Variants in PLXNC1 observed in about 807,000 individuals in gnomAD.
PLXNC1 encodes plexin-C1.
In PLXNC1, 75 loss-of-function variants were observed where a neutral mutation model predicts 178.2. That is an observed-to-expected ratio of 0.42 (90% CI 0.35 to 0.51). PLXNC1 has a LOEUF of 0.51. PLXNC1 is among the 20% of genes least tolerant of loss of function. The probability of loss-of-function intolerance (pLI) is 0.02; values close to 1 mark genes in which losing one functional copy is unlikely to be tolerated. For synonymous variants in PLXNC1, 790 were observed against 779.9 expected (o/e 1.01, Z -0.22); for missense variants, 1,503 against 1,984.4 (o/e 0.76, Z 4.61).
At chr12:94,245,627 T>C (rs1166382905) in intron 12 of PLXNC1, among the ~76,000 whole-genome samples, 1 of 152,204 alleles carries the variant, frequency 6.6e-6, no homozygotes, top group East Asian at 1.9e-4. Context: ...CCATTTCTTT[T>C]CACATTAAAG....
chr12:94,202,782 T>C (rs7296806), intron 4 of PLXNC1, among the ~76,000 whole-genome samples: 111,340 of 152,084 alleles, frequency 0.73, 40,922 homozygotes, highest in East Asian at 0.91. Context: ...TCTAGAGAGA[T>C]AGACTCATCA....
chr12:94,276,160 G>A (rs2136121619), intron 21 of PLXNC1, among the ~76,000 whole-genome samples: 1 of 152,278 alleles, frequency 6.6e-6, no homozygotes, highest in East Asian at 1.9e-4. Context: ...ATAGAATGCT[G>A]TTTCACAAAT....
chr12:94,277,779 C>T (rs1966087964), intron 21 of PLXNC1: 3 of 362,970 alleles, frequency 8.3e-6, no homozygotes, highest in African/African-American at 2.1e-5. Context: ...GTTTTATTGC[C>T]GATACTATCA....
At position 94,260,840 on chromosome 12, in the gene PLXNC1, G is replaced by A. The variant is rs1317108381; in HGVS notation, c.3450G>A (p.Arg1150=). 1.2e-6 allele frequency: 2 copies of A among 1,613,858 alleles called. No homozygotes were observed. Among genetic ancestry groups the A allele is most frequent in the Non-Finnish European group, 1.7e-6 (2 of 1,179,808 alleles). The change falls in exon 20 of 31, where the codon CGG becomes CGA. Residue 1150 remains arginine, a splice_region_variant and synonymous_variant. Coordinates refer to ENST00000258526, the MANE Select transcript of PLXNC1 (RefSeq NM_005761.3). This position sits in a 1 kb window ranked among gnomAD's most constrained non-coding sequence, Gnocchi z 4.4. ...WMSVCLSGFL[R]ETVGEPFYLL... ...CCGTCTGCCTTTCTGGATTTCTCCG[G>A]GTAAGTGTCACATCCCTCAGCAATG...
chr12:94,251,619 T>C (rs748105523), intron 15 of PLXNC1, 91 bp downstream of exon 15: 3 of 803,470 alleles, frequency 3.7e-6, no homozygotes, highest in Non-Finnish European at 6.6e-6. Flanking sequence ...GCTGTTTGCT[T>C]CAATTAAGTA....
chr12:94,175,682 A>G (rs1161427257), intron 2 of PLXNC1, among the ~76,000 whole-genome samples: 1 of 152,262 alleles, frequency 6.6e-6, no homozygotes, highest in East Asian at 1.9e-4. Context: ...AAAAAGCTGA[A>G]GAGCCCTATA....
Position 94,305,232 on chromosome 12 carries a change from C to T in PLXNC1, c.4654C>T (p.Leu1552Phe), listed in dbSNP as rs1157115670. The part of the protein sequence containing the change: ...ERGLEEAQKQ[L>F]LHVKVLFDEK... ...AGGGCTGGAAGAAGCTCAGAAACAA[C>T]TCTTGCATGTAAAAGTCTTATTTGA... The change falls in exon 31 of 31, where the codon CTC (leucine) becomes TTC (phenylalanine). Residue 1552 changes from leucine to phenylalanine, a missense_variant. Leu to Phe is a conservative substitution (Grantham distance 22, BLOSUM62 0). Transcript: ENST00000258526. The T allele has an allele frequency of 1.2e-6, 2 of 1,611,638 alleles. No individual in the cohort carries two copies. Among genetic ancestry groups the T allele is most frequent in the South Asian group, 1.1e-5 (1 of 90,912 alleles).
intron 9 of PLXNC1, among the ~76,000 whole-genome samples, chr12:94,235,792 C>G (rs1964225117): frequency 6.6e-6 from 1 of 152,140 alleles, no homozygotes; most frequent in Admixed American, 6.5e-5. Context: ...AAATATTATT[C>G]TTCTTTTGAC....
At chr12:94,219,551 T>C (rs1003168689) in intron 5 of PLXNC1, among the ~76,000 whole-genome samples, 72 of 152,282 alleles carry the variant, frequency 4.7e-4, no homozygotes, top group African/African-American at 1.4e-3. Context: ...ACCCTGTATT[T>C]GATTACTCAA....
At chr12:94,185,736 C>T (rs545701224) in intron 3 of PLXNC1, among the ~76,000 whole-genome samples, 1 of 152,342 alleles carries the variant, frequency 6.6e-6, no homozygotes, top group East Asian at 1.9e-4. Context: ...AGGGCCTCGT[C>T]CCTGGTCCTC....
intron 4 of PLXNC1, among the ~76,000 whole-genome samples, chr12:94,202,901 G>T (rs12320501): frequency 0.37 from 56,645 of 152,030 alleles, 11,844 homozygotes; most frequent in East Asian, 0.58. Flanking sequence ...GTGCTGAAAG[G>T]CATGTAGACA....
intron 21 of PLXNC1, among the ~76,000 whole-genome samples, chr12:94,279,112 G>A (rs832504): frequency 0.88 from 134,343 of 152,248 alleles, 59,369 homozygotes; most frequent in African/African-American, 0.93. Context: ...ATAATCACCA[G>A]TCTGCCTCAT....
chr12:94,185,864 A>G (rs915953269), intron 3 of PLXNC1: 2 of 157,538 alleles, frequency 1.3e-5, no homozygotes, highest in Non-Finnish European at 2.8e-5. Context: ...TCTGTATGAA[A>G]ACCAGGCAAC....
rs1390184060 is a variant in PLXNC1 at position 94,255,204 on chromosome 12, C to A, written c.2995C>A (p.Leu999Met). The change falls in exon 17 of 31, where the codon CTG (leucine) becomes ATG (methionine). Residue 999 changes from leucine (L) to methionine (M), a missense_variant. Physicochemically the swap from Leu to Met is conservative, Grantham distance 15. Coordinates refer to ENST00000258526, the MANE Select transcript of PLXNC1 (RefSeq NM_005761.3). ...ATTCTGTTTTGCAGGCTTTGCTGAG[C>A]TGCAGATGGATAAATTGGATGTGGT... ...RKEIRDGFAE[L>M]QMDKLDVVDS... is the part of the protein sequence containing the mutation. 2.5e-6 allele frequency: 4 copies of A among 1,613,036 alleles called. No homozygotes were observed. Among genetic ancestry groups the A allele is most frequent in the Non-Finnish European group, 3.4e-6 (4 of 1,178,950 alleles).
At chr12:94,252,013 C>CA (rs560982386) in intron 15 of PLXNC1, among the ~76,000 whole-genome samples, 4 of 148,356 alleles carry the variant, frequency 2.7e-5, no homozygotes, top group African/African-American at 7.3e-5. Flanking sequence ...AAACAAAAAA[C>CA]AAAATTTTTT....
intron 21 of PLXNC1, among the ~76,000 whole-genome samples, chr12:94,265,658 C>T (rs1261107005): frequency 6.6e-6 from 1 of 152,128 alleles, no homozygotes; most frequent in African/African-American, 2.4e-5. Context: ...CAAATTCCAC[C>T]ACGTTCCCCA....
intron 20 of PLXNC1, among the ~76,000 whole-genome samples, chr12:94,261,407 G>C (rs1404175161): frequency 1.3e-5 from 2 of 152,176 alleles, no homozygotes; most frequent in Non-Finnish European, 2.9e-5. Context: ...AAGAGGGTGG[G>C]CCCTAAAGTC....
intron 1 of PLXNC1, among the ~76,000 whole-genome samples, chr12:94,168,516 C>G (rs1961714467): frequency 1.3e-5 from 2 of 152,170 alleles, no homozygotes; most frequent in South Asian, 4.1e-4. Context: ...TTGTTTTCCC[C>G]TTTAAAAGCA....
intron 23 of PLXNC1, among the ~76,000 whole-genome samples, chr12:94,293,218 T>G (rs1967544932): frequency 6.6e-6 from 1 of 152,224 alleles, no homozygotes; most frequent in African/African-American, 2.4e-5. Context: ...ATGCCCCAAA[T>G]TATTCATTCT....
Sources: gnomAD v4.1 joint callset for allele counts (sites outside exome capture counted in the v4.1 genomes callset) on GRCh38, gnomAD v4.1.1 for gene constraint, Gnocchi (gnomAD v3.1) non-coding constraint, MANE v1.5 for transcripts, NCBI Gene and HGNC (gene_info 2026-07-23, HGNC 2026-07-21) for gene names.